XKR7: variants seen among roughly 807,000 people sequenced by gnomAD.
XKR7 encodes XK-related protein 7.
XKR7 carries 11 observed loss-of-function variants against 42.2 expected under a neutral mutation model. The ratio of observed to expected loss-of-function variants is 0.26; its 90% CI spans 0.16 to 0.43. The LOEUF (loss-of-function observed/expected upper bound fraction) is 0.43. Among genes scored for constraint, XKR7 ranks in the 20% least tolerant of loss-of-function variants. The pLI is 1.00. For missense variants in XKR7, 710 were observed against 802.2 expected, an observed-to-expected ratio of 0.89 and a Z score of 1.39; for synonymous variants, 346 against 366.4, an observed-to-expected ratio of 0.94 and a Z score of 0.64.
chr20:31,990,338 A>C (rs2064564812), intron 1 of XKR7, among the ~76,000 whole-genome samples: 1 of 152,030 alleles, frequency 6.6e-6, no homozygotes, highest in Non-Finnish European at 1.5e-5. Flanking sequence ...GCCCCATCAC[A>C]CTCATTTAAT....
chr20:31,975,946 G>T (rs2064482741), intron 1 of XKR7, among the ~76,000 whole-genome samples: 1 of 152,210 alleles, frequency 6.6e-6, no homozygotes, highest in African/African-American at 2.4e-5. Flanking sequence ...ATGAAGAAGA[G>T]AACTGTAGAC....
intron 1 of XKR7, among the ~76,000 whole-genome samples, chr20:31,976,643 C>G (rs893877770): frequency 2.6e-5 from 4 of 152,168 alleles, no homozygotes; most frequent in Admixed American, 6.5e-5. Flanking sequence ...CCTCGGCCTC[C>G]CAAAGTGCTG....
rs58631939 is a variant in XKR7, at chr20:31,997,506, C to T, written c.*49C>T. The T allele has an allele frequency of 4.5e-5, 68 of 1,508,152 alleles. No individual in the cohort carries two copies. The East Asian group carries it at 7.3e-4, about 16-fold the overall frequency. 93.4% of individuals were successfully genotyped at this position (1,508,152 alleles called of 1,614,324 possible). ...GGACAGGCTTGGCTGATCCCACATC[C>T]GCCGCAGTGTTGTGCCCCGAATTTC... On this transcript the variant is annotated 3_prime_UTR_variant, in exon 3 of 3. Transcript: ENST00000562532.
At chr20:31,981,799 CCTT>C (rs548166384) in intron 1 of XKR7, among the ~76,000 whole-genome samples, 140 of 152,372 alleles carry the variant, frequency 9.2e-4, no homozygotes, top group African/African-American at 2.9e-3. Flanking sequence ...TCTTCTCCCT[CCTT>C]CTCTGACGGC....
Position 31,999,515 on chromosome 20 carries a change from G to T in XKR7, c.*2058G>T, listed in dbSNP as rs2064614340. On this transcript the variant is annotated 3_prime_UTR_variant, in exon 3 of 3. Transcript: ENST00000562532. ...AACGAGGCCTCGAGGGTGACGGGAG[G>T]TGGGAGAAGCCCAAGGCTGACCCAG... 1 of 152,198 alleles carries T rather than the reference G, an allele frequency of 6.6e-6. No homozygotes were observed. Among genetic ancestry groups the T allele is most frequent in the Non-Finnish European group, 1.5e-5 (1 of 68,042 alleles). The allele number at this position is 152,198 out of a possible 1,614,324, so 9.4% of individuals were successfully genotyped here.
chr20:31,990,179 CGTGTGT>C lies in XKR7; in HGVS notation c.585-4859_585-4854del, dbSNP rs56235886. On this transcript the variant is annotated intron_variant, in intron 1 of 2. Coordinates refer to ENST00000562532, the MANE Select transcript of XKR7 (RefSeq NM_001011718.2). Reference sequence around the variant, plus strand: ...TTATAAACTATTTTTAAATTCATTGCGTGTGTGTGTGTGTGTGTGTGTGTGTGTGTG... The same window carrying C: ...TTATAAACTATTTTTAAATTCATTGCGTGTGTGTGTGTGTGTGTGTGTGTG... Among the ~76,000 whole-genome samples, 58 of 144,232 alleles carry C rather than the reference CGTGTGT, an allele frequency of 4.0e-4. 1 individual carries two copies. The South Asian group carries it at 7.3e-3, about 18-fold the overall frequency. 94.6% of individuals were successfully genotyped at this position (144,232 alleles called of 152,430 possible).
intron 1 of XKR7, among the ~76,000 whole-genome samples, chr20:31,986,206 A>G (rs1317879293): frequency 1.5e-5 from 2 of 131,826 alleles, no homozygotes; most frequent in East Asian, 5.0e-4. Flanking sequence ...ACAGACCACT[A>G]AACAGATCCA....
intron 1 of XKR7, among the ~76,000 whole-genome samples, chr20:31,989,283 C>G (rs983734363): frequency 4.0e-4 from 48 of 120,692 alleles, no homozygotes; most frequent in Non-Finnish European, 5.7e-4. Flanking sequence ...ACACCCCCCC[C>G]CCAGCGCATC....
chr20:31,989,105 CA>C (rs2064556334), intron 1 of XKR7, among the ~76,000 whole-genome samples: 1 of 152,156 alleles, frequency 6.6e-6, no homozygotes, highest in South Asian at 2.1e-4. Flanking sequence ...GAAAATAAGA[CA>C]GGGGGTGTGG....
At chr20:31,979,244 T>C (rs1414630212) in intron 1 of XKR7, among the ~76,000 whole-genome samples, 2 of 152,052 alleles carry the variant, frequency 1.3e-5, no homozygotes, top group Non-Finnish European at 2.9e-5. Context: ...AGAGAAGGTT[T>C]CACTCTGCCA....
Position 32,001,930 on chromosome 20 carries a change from C to G in XKR7, c.*4473C>G, listed in dbSNP as rs6087810. The G allele has an allele frequency of 6.6e-6, 1 of 152,148 alleles. No individual in the cohort carries two copies. The allele number at this position is 152,148 out of a possible 1,614,324, so 9.4% of individuals were successfully genotyped here. On this transcript the variant is annotated 3_prime_UTR_variant, in exon 3 of 3. Coordinates refer to ENST00000562532, the MANE Select transcript of XKR7 (RefSeq NM_001011718.2). ...GGAAGGGAACAAGTGGGTGTCAAGC[C>G]GCATGGGCAGTAGTAGGGTTGGGGT...
At chr20:31,973,961 G>A (rs186579470) in intron 1 of XKR7, among the ~76,000 whole-genome samples, 14 of 152,148 alleles carry the variant, frequency 9.2e-5, no homozygotes, top group Non-Finnish European at 1.6e-4. Flanking sequence ...TTGGGAGGCC[G>A]AGGCAGGCGG....
intron 1 of XKR7, among the ~76,000 whole-genome samples, chr20:31,975,611 G>T (rs772442675): frequency 1.3e-5 from 2 of 151,978 alleles, no homozygotes; most frequent in Non-Finnish European, 2.9e-5. Flanking sequence ...GAAAATGTTT[G>T]GCTGTTTTGT....
chr20:31,989,281 C>T (rs554763912), intron 1 of XKR7, among the ~76,000 whole-genome samples: 3 of 119,578 alleles, frequency 2.5e-5, no homozygotes, highest in Admixed American at 7.8e-5. Flanking sequence ...GGACACCCCC[C>T]CCCCAGCGCA....
chr20:31,997,255 C>G lies in XKR7; in HGVS notation c.1538C>G (p.Ala513Gly). The change falls in exon 3 of 3, where the codon GCC (alanine) becomes GGC (glycine). Residue 513 changes from alanine to glycine, a missense_variant. Around this residue, in one of 2 missense-constraint regions of XKR7, gnomAD observed 708 missense variants for 786.2 expected, o/e 0.90. Coordinates refer to ENST00000562532, the MANE Select transcript of XKR7 (RefSeq NM_001011718.2). ...VRPGLPPTPV[A>G]RTLRTEGPVI... ...CCTGGCTTGCCTCCCACACCAGTGG[C>G]CCGCACCTTGCGGACAGAGGGGCCT... The G allele has an allele frequency of 6.2e-7, 1 of 1,612,118 alleles. No homozygotes were observed. The highest frequency in any genetic ancestry group is 8.5e-7 in the Non-Finnish European group (1 of 1,179,972).
chr20:31,998,351 G>A lies in XKR7; in HGVS notation c.*894G>A, dbSNP rs1386843820. 2 of 152,170 alleles carry A rather than the reference G, an allele frequency of 1.3e-5. No homozygotes were observed. Among genetic ancestry groups the A allele is most frequent in the Non-Finnish European group, 2.9e-5 (2 of 68,042 alleles). The allele number at this position is 152,170 out of a possible 1,614,324, so 9.4% of individuals were successfully genotyped here. A position where few individuals can be genotyped will look rare whatever the true frequency, so the allele number is the denominator to read the frequency against. On this transcript the variant is annotated 3_prime_UTR_variant, in exon 3 of 3. Coordinates refer to ENST00000562532, the MANE Select transcript of XKR7 (RefSeq NM_001011718.2). Reference sequence around the variant, plus strand: ...TGTCTGGAAAGATCTCTGGGCTCAAGTGCAGGTGAGGTTTTAGCACAGTTA... The same window carrying A: ...TGTCTGGAAAGATCTCTGGGCTCAAATGCAGGTGAGGTTTTAGCACAGTTA...
intron 1 of XKR7, among the ~76,000 whole-genome samples, chr20:31,985,959 C>CACAG (rs57585644): frequency 0.36 from 26,684 of 74,426 alleles, 8,542 homozygotes; most frequent in African/African-American, 0.69. Context: ...AGCATCCAGA[C>CACAG]ACAGACAGAC....
At chr20:31,973,911 G>A (rs1490325019) in intron 1 of XKR7, among the ~76,000 whole-genome samples, 1 of 152,080 alleles carries the variant, frequency 6.6e-6, no homozygotes, top group Non-Finnish European at 1.5e-5. Flanking sequence ...ATAGACTGGA[G>A]GGGCCGGGCA....
At chr20:31,975,902 C>T (rs2064482548) in intron 1 of XKR7, among the ~76,000 whole-genome samples, 1 of 152,230 alleles carries the variant, frequency 6.6e-6, no homozygotes, top group Non-Finnish European at 1.5e-5. Context: ...TCGATCATTT[C>T]TCTTGACAAT....
Sources: gnomAD v4.1 joint callset for allele counts (sites outside exome capture counted in the v4.1 genomes callset) on GRCh38, gnomAD v4.1.1 for gene constraint, gnomAD v4.1.1 regional missense constraint, MANE v1.5 for transcripts, NCBI Gene and HGNC (gene_info 2026-07-23, HGNC 2026-07-21) for gene names.